PTPRT: variants seen among roughly 807,000 people sequenced by gnomAD.
PTPRT encodes the protein receptor-type tyrosine-protein phosphatase T.
PTPRT carries 56 observed loss-of-function variants against 176.8 expected under a neutral mutation model. The observed-to-expected ratio is 0.32, with a 90% CI of 0.26 to 0.40. The LOEUF (loss-of-function observed/expected upper bound fraction) is 0.40, where lower values mean the gene tolerates loss of function less well. Ranked by LOEUF, PTPRT falls within the 10% of genes least tolerant of loss-of-function variation. The pLI is 1.00. For missense variants in PTPRT, 1,540 were observed against 1,908.2 expected, an observed-to-expected ratio of 0.81 and a Z score of 3.60; for synonymous variants, 783 against 739.0, an observed-to-expected ratio of 1.06 and a Z score of -0.96.
intron 1 of PTPRT, among the ~76,000 whole-genome samples, chr20:42,984,289 C>T (rs1354609022): frequency 4.6e-5 from 7 of 152,266 alleles, no homozygotes; most frequent in Non-Finnish European, 8.8e-5. Flanking sequence ...TCACAAGCCA[C>T]GAGAAGACTG....
chr20:42,260,498 C>A (rs1309991443), intron 13 of PTPRT, among the ~76,000 whole-genome samples: 2 of 152,216 alleles, frequency 1.3e-5, no homozygotes, highest in South Asian at 4.1e-4. Flanking sequence ...GGATGCCCTG[C>A]AGCAAAGTGA....
chr20:43,178,832 T>A (rs1409776598), intron 1 of PTPRT, among the ~76,000 whole-genome samples: 2 of 152,154 alleles, frequency 1.3e-5, no homozygotes, highest in African/African-American at 2.4e-5. Flanking sequence ...CCCAAGCCCC[T>A]GAAAGTGGAG....
intron 9 of PTPRT, among the ~76,000 whole-genome samples, chr20:42,385,003 G>A (rs554052925): frequency 6.6e-6 from 1 of 152,068 alleles, no homozygotes; most frequent in Non-Finnish European, 1.5e-5. Flanking sequence ...TCAGGTATAT[G>A]GTATGCAAAT....
At chr20:42,111,195 C>T (rs1986972828) in intron 22 of PTPRT, among the ~76,000 whole-genome samples, 1 of 152,210 alleles carries the variant, frequency 6.6e-6, no homozygotes, top group Admixed American at 6.5e-5. Flanking sequence ...GGCCAGGTCA[C>T]ACTTCTAAGC....
At chr20:43,141,228 C>T (rs1201727958) in intron 1 of PTPRT, among the ~76,000 whole-genome samples, 2 of 152,226 alleles carry the variant, frequency 1.3e-5, no homozygotes, top group Non-Finnish European at 2.9e-5. Context: ...CATTCAGTGG[C>T]TTCAAATCGC....
chr20:42,979,161 A>C (rs1983132736), intron 1 of PTPRT, among the ~76,000 whole-genome samples: 1 of 151,898 alleles, frequency 6.6e-6, no homozygotes, highest in African/African-American at 2.4e-5. Context: ...AGGAAAGCTA[A>C]TTTTTTTTCA....
chr20:42,689,198 A>C, intron 6 of PTPRT, among the ~76,000 whole-genome samples: 1 of 152,206 alleles, frequency 6.6e-6, no homozygotes, highest in East Asian at 1.9e-4. Flanking sequence ...TATAAACCCA[A>C]GACCTTAGTG....
At chr20:42,968,089 A>T (rs1982405421) in intron 1 of PTPRT, among the ~76,000 whole-genome samples, 1 of 152,126 alleles carries the variant, frequency 6.6e-6, no homozygotes, top group South Asian at 2.1e-4. Flanking sequence ...GTCACAGGCT[A>T]TTCCTTTTGC....
intron 7 of PTPRT, among the ~76,000 whole-genome samples, chr20:42,622,927 C>T (rs187757710): frequency 2.0e-5 from 3 of 152,292 alleles, no homozygotes; most frequent in Admixed American, 2.0e-4. Flanking sequence ...CAAAAAGTTG[C>T]CTTTTGGCCT....
intron 7 of PTPRT, among the ~76,000 whole-genome samples, chr20:42,566,693 C>A (rs1004068897): frequency 6.6e-6 from 1 of 152,094 alleles, no homozygotes; most frequent in African/African-American, 2.4e-5. Context: ...ACCGAGTGAC[C>A]AAGTAAAGGA....
chr20:42,807,595 C>T lies in PTPRT; in HGVS notation c.215-16129G>A, dbSNP rs76778558. The stretch of plus-strand genomic sequence containing the variant: ...CACCTACACCAAGGGTTAAGCCATG[C>T]CCCACTTTTCCCTTGTCCTGACCAA... On this transcript the variant is annotated intron_variant, in intron 2 of 30. Transcript: ENST00000373187. 7.0e-3 allele frequency among the ~76,000 whole-genome samples: 1,060 copies of T among 152,212 alleles called. 13 individuals carry two copies. The highest frequency in any genetic ancestry group is 0.024 in the African/African-American group (1,014 of 41,532).
At chr20:42,179,394 C>A (rs1990423117) in intron 16 of PTPRT, among the ~76,000 whole-genome samples, 1 of 152,156 alleles carries the variant, frequency 6.6e-6, no homozygotes, top group Admixed American at 6.5e-5. Flanking sequence ...GTTTAATTTT[C>A]CTTATCACAT....
chr20:42,607,299 G>A (rs1016610350), intron 7 of PTPRT: 2 of 152,108 alleles, frequency 1.3e-5, no homozygotes, highest in African/African-American at 2.4e-5. Context: ...TGTATTTAAC[G>A]CTACTCAACT....
At chr20:42,340,703 A>T (rs934744723) in intron 11 of PTPRT, among the ~76,000 whole-genome samples, 1 of 152,220 alleles carries the variant, frequency 6.6e-6, no homozygotes, top group Non-Finnish European at 1.5e-5. Flanking sequence ...TGATGGAAGC[A>T]GACTTGAAAG....
At chr20:42,741,394 G>C (rs974473790) in intron 6 of PTPRT, among the ~76,000 whole-genome samples, 3 of 152,110 alleles carry the variant, frequency 2.0e-5, no homozygotes, top group Non-Finnish European at 2.9e-5. Flanking sequence ...GCCCAGACTG[G>C]AGTGCAGTGG....
chr20:42,705,973 G>C (rs575744510), intron 6 of PTPRT, among the ~76,000 whole-genome samples: 24 of 152,186 alleles, frequency 1.6e-4, no homozygotes, highest in African/African-American at 5.3e-4. Flanking sequence ...CCCTTGATCT[G>C]TTCTGCTCTG....
At chr20:42,432,876 T>A (rs1234505055) in intron 9 of PTPRT, among the ~76,000 whole-genome samples, 1 of 152,222 alleles carries the variant, frequency 6.6e-6, no homozygotes, top group East Asian at 1.9e-4. Flanking sequence ...TGCCTGTAAA[T>A]CTTGCCACCC....
intron 1 of PTPRT, among the ~76,000 whole-genome samples, chr20:43,073,251 G>T (rs116625653): frequency 0.018 from 2,748 of 152,252 alleles, 52 homozygotes; most frequent in East Asian, 0.076. Flanking sequence ...TACAATGGAT[G>T]TATTACATTG....
intron 1 of PTPRT, among the ~76,000 whole-genome samples, chr20:43,171,335 C>G (rs983356580): frequency 6.6e-6 from 1 of 151,958 alleles, no homozygotes; most frequent in Non-Finnish European, 1.5e-5. Flanking sequence ...AAGTGAGCCC[C>G]GACTATGTGT....
Sources: gnomAD v4.1 joint callset for allele counts (sites outside exome capture counted in the v4.1 genomes callset) on GRCh38, gnomAD v4.1.1 for gene constraint, MANE v1.5 for transcripts, NCBI Gene and HGNC (gene_info 2026-07-23, HGNC 2026-07-21) for gene names.